ZC3H12B: variants seen among roughly 807,000 people sequenced by gnomAD.
ZC3H12B encodes zinc finger CCCH-type containing 12B.
ZC3H12B carries 7 observed loss-of-function variants against 43.9 expected under a neutral mutation model. That is an observed-to-expected ratio of 0.16 (90% CI 0.09 to 0.30). The LOEUF (loss-of-function observed/expected upper bound fraction) is 0.30, where lower values mean the gene tolerates loss of function less well. ZC3H12B is among the 10% of genes least tolerant of loss of function. The probability of loss-of-function intolerance (pLI) is 1.00; values close to 1 mark genes in which losing one functional copy is unlikely to be tolerated. For synonymous variants in ZC3H12B, 222 were observed against 241.7 expected, an observed-to-expected ratio of 0.92 and a Z score of 0.76; for missense variants, 475 against 670.2, an observed-to-expected ratio of 0.71 and a Z score of 3.22.
the ZC3H12B span, among the ~76,000 whole-genome samples, chrX:65,154,108 A>C: frequency 9.0e-6 from 1 of 111,397 alleles, no homozygotes; most frequent in African/African-American, 3.3e-5. Flanking sequence ...CAGGGATAAC[A>C]TTAGGAGATA....
At chrX:65,222,284 C>G in the ZC3H12B span, among the ~76,000 whole-genome samples, 1 of 110,827 alleles carries the variant, frequency 9.0e-6, no homozygotes, top group Non-Finnish European at 1.9e-5. Context: ...CTCTGAGAAC[C>G]AGAACAAGAC....
At chrX:65,357,172 T>G in the ZC3H12B span, 1 of 432,695 alleles carries the variant, frequency 2.3e-6, no homozygotes, top group South Asian at 2.8e-5. Flanking sequence ...TTCACCTCTT[T>G]TCATTCCCAA....
At chrX:65,254,249 C>T in the ZC3H12B span, among the ~76,000 whole-genome samples, 1 of 112,746 alleles carries the variant, frequency 8.9e-6, no homozygotes, top group Admixed American at 9.3e-5. Context: ...AACACCCTTG[C>T]ACCTGCTAGT....
intron 2 of ZC3H12B, 106 bp downstream of exon 7, chrX:65,497,377 A>C: frequency 1.4e-6 from 1 of 726,129 alleles, no homozygotes; most frequent in Non-Finnish European, 1.9e-6. Context: ...TGTTAAGTAT[A>C]TTTAAAGTAT....
the ZC3H12B span, among the ~76,000 whole-genome samples, chrX:65,222,668 A>G: frequency 9.3e-6 from 1 of 107,888 alleles, no homozygotes; most frequent in African/African-American, 3.3e-5. Context: ...TTAGGAAATT[A>G]CATAACCAAG....
At chrX:65,329,839 G>A in the ZC3H12B span, among the ~76,000 whole-genome samples, 81 of 111,211 alleles carry the variant, frequency 7.3e-4, 2 homozygotes, top group East Asian at 0.02. Flanking sequence ...TGTCAGGTTT[G>A]TCAAAGATCA....
At chrX:65,154,870 A>G in the ZC3H12B span, among the ~76,000 whole-genome samples, 2 of 111,796 alleles carry the variant, frequency 1.8e-5, no homozygotes, top group Non-Finnish European at 3.8e-5. Context: ...AGAAATAAAA[A>G]TATTTCACCA....
At chrX:65,382,486 A>T (rs984630008) in intron 2 of ZC3H12B, among the ~76,000 whole-genome samples, 1 of 111,531 alleles carries the variant, frequency 9.0e-6, no homozygotes, top group Non-Finnish European at 1.9e-5. Flanking sequence ...ACAAACCCAC[A>T]GCCAATATCA....
chrX:65,426,312 T>C (rs1179475713), intron 3 of ZC3H12B, among the ~76,000 whole-genome samples: 1 of 106,393 alleles, frequency 9.4e-6, no homozygotes, highest in African/African-American at 3.4e-5. Flanking sequence ...ATATCCCCCT[T>C]ATCATTTCTG....
At chrX:65,405,473 A>G (rs1216935562) in intron 3 of ZC3H12B, among the ~76,000 whole-genome samples, 1 of 110,999 alleles carries the variant, frequency 9.0e-6, no homozygotes, top group Non-Finnish European at 1.9e-5. Context: ...TACAAAAATT[A>G]GCCAGGCGTG....
At chrX:65,472,396 TTTTGTTTG>T (rs910989165) in intron 3 of ZC3H12B, among the ~76,000 whole-genome samples, 14 of 89,710 alleles carry the variant, frequency 1.6e-4, no homozygotes, top group Non-Finnish European at 2.3e-4. Context: ...TTTTTGTTTT[TTTTGTTTG>T]TTTGTTTGTT....
the ZC3H12B span, among the ~76,000 whole-genome samples, chrX:65,177,364 G>A: frequency 8.9e-6 from 1 of 111,782 alleles, no homozygotes; most frequent in African/African-American, 3.3e-5. Context: ...TTGAAAACAG[G>A]CAAAAGACAA....
chrX:65,051,087 G>T, the ZC3H12B span, among the ~76,000 whole-genome samples: 1 of 111,142 alleles, frequency 9.0e-6, no homozygotes, highest in Non-Finnish European at 1.9e-5. Flanking sequence ...AGCGTTGGTA[G>T]GTTATAGAGT....
chrX:65,292,793 T>G, the ZC3H12B span, among the ~76,000 whole-genome samples: 1 of 110,838 alleles, frequency 9.0e-6, no homozygotes, highest in African/African-American at 3.3e-5. Context: ...GAGACCAGCC[T>G]GAGCAACATA....
upstream of ZC3H12B, among the ~76,000 whole-genome samples, chrX:65,364,960 C>A (rs2066154576): frequency 9.0e-6 from 1 of 111,398 alleles, no homozygotes; most frequent in Non-Finnish European, 1.9e-5. Flanking sequence ...GGGTAGAGGC[C>A]TTTCCCACAG....
the ZC3H12B span, among the ~76,000 whole-genome samples, chrX:65,293,408 C>G: frequency 2.7e-3 from 302 of 110,194 alleles, no homozygotes; most frequent in Middle Eastern, 9.3e-3. Flanking sequence ...TGAGAAGAAA[C>G]CAGAGAAGCA....
chrX:65,261,190 T>TA, the ZC3H12B span, among the ~76,000 whole-genome samples: 3 of 111,239 alleles, frequency 2.7e-5, no homozygotes, highest in Non-Finnish European at 5.7e-5. Context: ...CCAAGGTAAA[T>TA]AAAAAATGTA....
chrX:65,374,247 T>C (rs1285478924), intron 2 of ZC3H12B, among the ~76,000 whole-genome samples: 1 of 80,646 alleles, frequency 1.2e-5, no homozygotes, highest in Non-Finnish European at 2.1e-5. Context: ...ATATATATTA[T>C]ATATATAGTA....
At chrX:65,263,330 A>C in the ZC3H12B span, among the ~76,000 whole-genome samples, 1 of 111,100 alleles carries the variant, frequency 9.0e-6, no homozygotes, top group Non-Finnish European at 1.9e-5. Context: ...TAAAAGAGGG[A>C]TGGTTAATTG....
Sources: allele counts gnomAD v4.1 joint callset (sites outside exome capture counted in the v4.1 genomes callset), GRCh38; gene constraint gnomAD v4.1.1; transcripts MANE v1.5; gene names NCBI Gene and HGNC (gene_info 2026-07-23, HGNC 2026-07-21).